The following ECHDC2 variants were observed in gnomAD, a reference collection of about 807,000 sequenced individuals.
ECHDC2 encodes the protein enoyl-CoA hydratase domain-containing protein 2, mitochondrial.
In ECHDC2, 34 loss-of-function variants were observed where a neutral mutation model predicts 40.6. That is an observed-to-expected ratio of 0.84 (90% CI 0.64 to 1.11). The LOEUF (loss-of-function observed/expected upper bound fraction) is 1.11, where lower values mean the gene tolerates loss of function less well. Ranked by LOEUF, ECHDC2 falls within the 50% of genes most tolerant of loss-of-function variation. ECHDC2 has a pLI of 0.00. For missense variants in ECHDC2, 392 were observed against 400.7 expected, an observed-to-expected ratio of 0.98 and a Z score of 0.19; for synonymous variants, 162 against 166.6, an observed-to-expected ratio of 0.97 and a Z score of 0.21.
At chr1:52,915,095 G>T in intron 1 of ECHDC2, 1 of 402,148 alleles carries the variant, frequency 2.5e-6, no homozygotes, top group South Asian at 1.8e-5. Flanking sequence ...GTCAGGGTGT[G>T]GGGAAGAGAG....
intron 1 of ECHDC2, chr1:52,920,380 T>C (rs1651604843): frequency 1.4e-6 from 1 of 713,574 alleles, no homozygotes; most frequent in Non-Finnish European, 2.5e-6. Context: ...GAAGCAATAC[T>C]GCTGGGGAAG....
At chr1:52,915,764 C>A (rs1268836842) in intron 1 of ECHDC2, among the ~76,000 whole-genome samples, 1 of 152,126 alleles carries the variant, frequency 6.6e-6, no homozygotes, top group Non-Finnish European at 1.5e-5. Context: ...TGCTTCTAAG[C>A]AATAGTATAC....
At chr1:52,908,956 G>GAAAAAAAAAAAAAAAAAAAAAA (rs1190885771) in intron 3 of ECHDC2, among the ~76,000 whole-genome samples, 2 of 141,828 alleles carry the variant, frequency 1.4e-5, no homozygotes, top group African/African-American at 2.7e-5. Context: ...AAAAAAAAAG[G>GAAAAAAAAAAAAAAAAAAAAAA]AAAAAGGACT....
chr1:52,896,691 G>T, intron 9 of ECHDC2, 94 bp from the exon 10 acceptor site: 3 of 1,022,526 alleles, frequency 2.9e-6, no homozygotes, highest in Non-Finnish European at 3.0e-6. Flanking sequence ...CAAGGCCAGG[G>T]TCCAAGTGTT....
chr1:52,908,577 A>G (rs1648552308), intron 3 of ECHDC2, among the ~76,000 whole-genome samples: 1 of 152,168 alleles, frequency 6.6e-6, no homozygotes, highest in African/African-American at 2.4e-5. Context: ...TATCTGATAA[A>G]GGTTTAATAT....
intron 1 of ECHDC2, chr1:52,913,956 G>C: frequency 8.5e-7 from 1 of 1,176,972 alleles, no homozygotes; most frequent in Non-Finnish European, 1.1e-6. Context: ...TTTTAAGTGC[G>C]TAAGTTCCTT....
At chr1:52,900,370 C>T (rs982746865) in intron 7 of ECHDC2, 2 of 151,962 alleles carry the variant, frequency 1.3e-5, no homozygotes, top group Non-Finnish European at 2.9e-5. Flanking sequence ...CAAAACCAAA[C>T]CTTTGTTTTG....
At chr1:52,905,222 C>T (rs1647474737) in intron 5 of ECHDC2, 132 bp from the exon 6 acceptor site, 1 of 929,780 alleles carries the variant, frequency 1.1e-6, no homozygotes, top group East Asian at 2.6e-5. Flanking sequence ...CACAGCCAGG[C>T]CTCTCCAGAC....
chr1:52,911,845 C>T, intron 1 of ECHDC2, 55 bp from the exon 2 acceptor site: 3 of 1,602,188 alleles, frequency 1.9e-6, no homozygotes, highest in Non-Finnish European at 2.6e-6. Flanking sequence ...TAATCCTGGG[C>T]TGCGGGCTGG....
intron 7 of ECHDC2, chr1:52,900,649 G>C (rs1194283302): frequency 1.3e-5 from 2 of 152,202 alleles, no homozygotes; most frequent in Admixed American, 6.5e-5. Flanking sequence ...GATCTGGGGA[G>C]AGAGAGGGAT....
intron 1 of ECHDC2, chr1:52,913,348 T>C (rs1241933813): frequency 6.6e-6 from 1 of 152,222 alleles, no homozygotes; most frequent in South Asian, 2.1e-4. Flanking sequence ...CTTGGTAGTT[T>C]TCTATACTCA....
chr1:52,906,385 C>T, intron 5 of ECHDC2, 134 bp downstream of exon 5: 1 of 787,092 alleles, frequency 1.3e-6, no homozygotes, highest in Non-Finnish European at 2.2e-6. Context: ...ACCCTCTGTG[C>T]TCTGCCTTGC....
rs777611455 is a variant in ECHDC2, at chr1:52,906,523, C to T, written c.453G>A (p.Val151=). The part of the protein sequence containing the change: ...LELALACDLR[V]AASSAVMGLI... ...CCCCCAGTCCTGGCCCAGTACCTGC[C>T]ACTCGGAGGTCACAGGCCAGGGCAA... The change falls in exon 5 of 10, where the codon GTG becomes GTA. Residue 151 remains valine, a synonymous_variant. Coordinates refer to ENST00000371522, the MANE Select transcript of ECHDC2 (RefSeq NM_001198961.2). 1.2e-6 allele frequency: 2 copies of T among 1,610,852 alleles called. No homozygotes were observed. Among genetic ancestry groups the T allele is most frequent in the Admixed American group, 3.3e-5 (2 of 59,860 alleles).
At chr1:52,915,320 G>A (rs1441789460) in intron 1 of ECHDC2, 5 of 455,892 alleles carry the variant, frequency 1.1e-5, no homozygotes, top group African/African-American at 4.0e-5. Context: ...TTATGAAGTT[G>A]GCATTCTCAG....
chr1:52,912,128 A>G (rs765028253), intron 1 of ECHDC2: 176 of 869,434 alleles, frequency 2.0e-4, no homozygotes, highest in Non-Finnish European at 2.6e-4. Flanking sequence ...GCACACATGC[A>G]CCCATGTACC....
At position 52,921,643 on chromosome 1, in the gene ECHDC2, AG is replaced by A. The variant is rs772844017; in HGVS notation, c.30del (p.Trp11GlyfsTer36). On this transcript the variant is annotated frameshift_variant, in exon 1 of 10. Transcript: ENST00000371522. LOFTEE classifies it high-confidence loss of function. MLRVLCLLR[P>X]WRPLRARGCA... ...CAGCCGCGGGCCCGAAGGGGCCTCC[AG>A]GGGCGCAGGAGGCACAGAACGCGCA... 4.2e-5 allele frequency: 67 copies of A among 1,585,098 alleles called. No individual in the cohort carries two copies. In the Middle Eastern group the frequency reaches 6.9e-4, roughly 16 times the overall value.
In ECHDC2 at chr1:52,907,940, C is replaced by A; in HGVS notation, c.292G>T (p.Glu98Ter). 6.2e-7 allele frequency: 1 copy of A among 1,614,108 alleles called. No individual in the cohort carries two copies. Among genetic ancestry groups the A allele is most frequent in the Non-Finnish European group, 8.5e-7 (1 of 1,180,020 alleles). The change falls in exon 4 of 10, where the codon GAG (glutamate) becomes TAG (stop). Residue 98 changes from glutamate (E) to a stop codon, truncating the protein, a stop_gained. Coordinates refer to ENST00000371522, the MANE Select transcript of ECHDC2 (RefSeq NM_001198961.2). LOFTEE classifies it high-confidence loss of function. ...TCTGCTTCACTCATCTGTTCCCGCT[C>A]CTTCAGGTCTGCACCTGCAGATGGC... is the stretch of plus-strand genomic sequence containing the variant. ...GVFCAGADLK[E>*]REQMSEAEVG...
In ECHDC2 at chr1:52,921,639, C is replaced by T. The variant is rs763432611; in HGVS notation, c.35G>A (p.Arg12Lys). Residue 12 changes from arginine (R) to lysine (K), a missense_variant, in exon 1 of 10, where the codon AGG becomes AAG. Physicochemically the swap from Arg to Lys is conservative, Grantham distance 26. Coordinates refer to ENST00000371522, the MANE Select transcript of ECHDC2 (RefSeq NM_001198961.2). Reference protein sequence around the residue: ...LRVLCLLRPWRPLRARGCASD... With the variant: ...LRVLCLLRPWKPLRARGCASD... ...AGCGCAGCCGCGGGCCCGAAGGGGC[C>T]TCCAGGGGCGCAGGAGGCACAGAAC... The T allele has an allele frequency of 1.1e-5, 18 of 1,587,322 alleles. No homozygotes were observed. The Admixed American group carries it at 3.0e-4, about 26-fold the overall frequency.
intron 1 of ECHDC2, among the ~76,000 whole-genome samples, chr1:52,919,389 A>G (rs933495600): frequency 1.3e-5 from 2 of 152,270 alleles, no homozygotes; most frequent in African/African-American, 2.4e-5. Flanking sequence ...ACAGTTGCCT[A>G]CAGTATTCAG....
Sources: gnomAD v4.1 joint callset for allele counts (sites outside exome capture counted in the v4.1 genomes callset) on GRCh38, gnomAD v4.1.1 for gene constraint, MANE v1.5 for transcripts, NCBI Gene and HGNC (gene_info 2026-07-23, HGNC 2026-07-21) for gene names.